Variants in ABCA7 observed in about 807,000 individuals in gnomAD.
ABCA7 encodes the protein phospholipid-transporting ATPase ABCA7.
ABCA7 carries 261 observed loss-of-function variants against 227.6 expected under a neutral mutation model. The observed-to-expected ratio is 1.15, with a 90% CI of 1.04 to 1.27. ABCA7 has a LOEUF of 1.27. Ranked by LOEUF, ABCA7 falls within the 50% of genes most tolerant of loss-of-function variation. The probability of loss-of-function intolerance (pLI) is 0.00; values close to 1 mark genes in which losing one functional copy is unlikely to be tolerated. For missense variants in ABCA7, 3,331 were observed against 2,924.5 expected (o/e 1.14, Z -3.21); for synonymous variants, 1,488 against 1,279.7 (o/e 1.16, Z -3.47).
intron 5 of ABCA7, 67 bp downstream of exon 5, chr19:1,042,243 G>C (rs1203940251): frequency 2.5e-6 from 4 of 1,590,888 alleles, no homozygotes; most frequent in Non-Finnish European, 2.6e-6. Context: ...CCGTGAAATG[G>C]GCACAGGGTG....
Position 1,043,322 on chromosome 19 carries a change from C to T in ABCA7, c.791-12C>T. The T allele has an allele frequency of 1.9e-6, 3 of 1,612,782 alleles. No homozygotes were observed. Among genetic ancestry groups the T allele is most frequent in the South Asian group, 1.1e-5 (1 of 91,068 alleles). ...GGCAGGGGGGCAGGGCCTCATGGCA[C>T]CCCCATCCCAGGCCCCGCCTGCTCG... On this transcript the variant is annotated splice_polypyrimidine_tract_variant and intron_variant, in intron 8 of 46. Coordinates refer to ENST00000263094, the MANE Select transcript of ABCA7 (RefSeq NM_019112.4).
At chr19:1,057,871 C>T (rs893564982) in intron 35 of ABCA7, 44 bp from the exon 36 acceptor site, 2 of 1,609,090 alleles carry the variant, frequency 1.2e-6, no homozygotes, top group Non-Finnish European at 1.7e-6. Flanking sequence ...CTCAGGGCTT[C>T]TCAGTCTGAG....
chr19:1,047,775 C>G lies in ABCA7; in HGVS notation c.2269+121C>G. 5.1e-6 allele frequency: 5 copies of G among 971,734 alleles called. No individual in the cohort carries two copies. The South Asian group carries it at 6.2e-5, about 12-fold the overall frequency. The allele number at this position is 971,734 out of a possible 1,614,324, so 60.2% of individuals were successfully genotyped here. A position where few individuals can be genotyped will look rare whatever the true frequency, so the allele number is the denominator to read the frequency against. ...GTGGCTTATTCCCTTGGAGAGAAGGCGGGGCTTCTTGGCACACGCATGCAG... is the reference window on the plus strand; with the variant it reads ...GTGGCTTATTCCCTTGGAGAGAAGGGGGGGCTTCTTGGCACACGCATGCAG... On this transcript the variant is annotated intron_variant, in intron 16 of 46. Coordinates refer to ENST00000263094, the MANE Select transcript of ABCA7 (RefSeq NM_019112.4).
At chr19:1,042,713 A>C in intron 6 of ABCA7, 33 bp from the exon 7 acceptor site, 1 of 1,607,998 alleles carries the variant, frequency 6.2e-7, no homozygotes, top group South Asian at 1.1e-5. Context: ...GAGTGTTCAA[A>C]ATCATTGTCC....
At position 1,056,006 on chromosome 19, in the gene ABCA7, G is replaced by A. The variant is rs925898511; in HGVS notation, c.4239-60G>A. ...CTCCCATGCCCTCTGCCTGCCCCCT[G>A]GGAGCTCTCCCGGCCCCCCCGGCCC... On this transcript the variant is annotated intron_variant, in intron 31 of 46. Transcript: ENST00000263094. The surrounding 1 kb of genome is among the most constrained non-coding windows in gnomAD (Gnocchi z 4.3). 2.0e-6 allele frequency: 3 copies of A among 1,533,144 alleles called. No individual in the cohort carries two copies. The highest frequency in any genetic ancestry group is 2.6e-6 in the Non-Finnish European group (3 of 1,144,348). 95.0% of individuals were successfully genotyped at this position (1,533,144 alleles called of 1,614,324 possible). A position where few individuals can be genotyped will look rare whatever the true frequency, so the allele number is the denominator to read the frequency against.
At position 1,043,327 on chromosome 19, in the gene ABCA7, A is replaced by G. The variant is rs1366107690; in HGVS notation, c.791-7A>G. 2 of 1,612,722 alleles carry G rather than the reference A, an allele frequency of 1.2e-6. No homozygotes were observed. The highest frequency in any genetic ancestry group is 4.5e-5 in the East Asian group (2 of 44,860). ...GGGGGCAGGGCCTCATGGCACCCCC[A>G]TCCCAGGCCCCGCCTGCTCGGAGCT... On this transcript the variant is annotated splice_region_variant and splice_polypyrimidine_tract_variant and intron_variant, in intron 8 of 46. Coordinates refer to ENST00000263094, the MANE Select transcript of ABCA7 (RefSeq NM_019112.4).
intron 12 of ABCA7, 128 bp from the exon 13 acceptor site, chr19:1,046,102 A>G (rs2040624400): frequency 2.8e-6 from 3 of 1,085,816 alleles, no homozygotes; most frequent in Non-Finnish European, 4.0e-6. Context: ...GCAGTGAGCT[A>G]TGATTGCAGC....
chr19:1,051,857 G>A, intron 21 of ABCA7, 85 bp from the exon 22 acceptor site: 1 of 1,529,648 alleles, frequency 6.5e-7, no homozygotes, highest in African/African-American at 1.4e-5. Flanking sequence ...TTGCTTCATG[G>A]GGCAGACAAC....
chr19:1,059,248 A>ATTATTTATTTATTTATTTATTTAT (rs3971801), intron 40 of ABCA7, 163 bp downstream of exon 40: 2 of 178,352 alleles, frequency 1.1e-5, no homozygotes, highest in African/African-American at 5.2e-5. Flanking sequence ...TTATTATATT[A>ATTATTTATTTATTTATTTATTTAT]TTATTTATTT....
chr19:1,053,666 G>A (rs2041985595), intron 24 of ABCA7, 122 bp from the exon 25 acceptor site: 2 of 1,518,732 alleles, frequency 1.3e-6, no homozygotes, highest in Non-Finnish European at 9.0e-7. Flanking sequence ...GAGGAGCTCT[G>A]GTGGCTCAGA....
Position 1,041,812 on chromosome 19 carries a change from A to G in ABCA7, c.161-19A>G, listed in dbSNP as rs557727395. The G allele has an allele frequency of 6.2e-7, 1 of 1,600,486 alleles. No homozygotes were observed. The highest frequency in any genetic ancestry group is 1.1e-5 in the South Asian group (1 of 90,276). ...CAGGCAGAGTCCACAGGGCCTCAGC[A>G]CCAGGCGTCTCCCCGCAGGCCACTT... On this transcript the variant is annotated intron_variant, in intron 3 of 46. Transcript: ENST00000263094.
chr19:1,047,127 T>G, intron 14 of ABCA7, 30 bp from the exon 15 acceptor site: 1 of 1,581,176 alleles, frequency 6.3e-7, no homozygotes, highest in Non-Finnish European at 8.6e-7. Flanking sequence ...ATCCAGGAGC[T>G]GCACCCTAAG....
chr19:1,042,052 C>T lies in ABCA7; in HGVS notation c.303-12C>T. The T allele has an allele frequency of 6.3e-7, 1 of 1,589,340 alleles. No homozygotes were observed. The highest frequency in any genetic ancestry group is 2.3e-5 in the East Asian group (1 of 44,306). The stretch of plus-strand genomic sequence containing the variant: ...GCCGGAACCCCGCCTCCTGCCCTCT[C>T]TCTGTCCCCAGGGTCTCCCGGCTGC... On this transcript the variant is annotated splice_polypyrimidine_tract_variant and intron_variant, in intron 4 of 46. Transcript: ENST00000263094.
intron 13 of ABCA7, 35 bp from the exon 14 acceptor site, chr19:1,046,767 G>T: frequency 1.3e-6 from 2 of 1,524,114 alleles, no homozygotes; most frequent in Non-Finnish European, 1.8e-6. Context: ...TCTGCGGAGG[G>T]TCTCCAGCCT....
rs753690015 is a variant in ABCA7, at chr19:1,042,082, C to G, written c.321C>G (p.Ala107=). ...TCCCCAGGGTCTCCCGGCTGCTAGC[C>G]GATGCCCGCACTGTGCTGGGAGGGG... The part of the protein sequence containing the change: ...FNDSLVSRLL[A]DARTVLGGAS... The change falls in exon 5 of 47, where the codon GCC becomes GCG. Residue 107 remains alanine, a synonymous_variant. Coordinates refer to ENST00000263094, the MANE Select transcript of ABCA7 (RefSeq NM_019112.4). The G allele has an allele frequency of 5.6e-6, 9 of 1,595,540 alleles. No individual in the cohort carries two copies. The highest frequency in any genetic ancestry group is 2.2e-5 in the South Asian group (2 of 90,396).
At chr19:1,055,886 C>T (rs1336273588) in intron 30 of ABCA7, 21 bp from the exon 31 acceptor site, 7 of 1,576,168 alleles carry the variant, frequency 4.4e-6, no homozygotes, top group Non-Finnish European at 5.2e-6. Flanking sequence ...CTGCCTGTGT[C>T]TCTGTCCATC....
At position 1,047,548 on chromosome 19, in the gene ABCA7, C is replaced by T. The variant is rs2144743079; in HGVS notation, c.2163C>T (p.Thr721=). The change falls in exon 16 of 47, where the codon ACC becomes ACT. Residue 721 remains threonine, a synonymous_variant. Transcript: ENST00000263094. ...GCGCGCAGTGGCACAACGTGGGCAC[C>T]CGGCCTACGGCAGACGTCTTCAGCC... The part of the protein sequence containing the change: ...GEGAQWHNVG[T]RPTADVFSLA... 6.9e-6 allele frequency: 11 copies of T among 1,600,666 alleles called. No individual in the cohort carries two copies. Among genetic ancestry groups the T allele is most frequent in the South Asian group, 2.2e-5 (2 of 90,520 alleles).
chr19:1,044,846 A>G, intron 11 of ABCA7, 102 bp downstream of exon 11: 1 of 1,472,112 alleles, frequency 6.8e-7, no homozygotes, highest in Non-Finnish European at 9.0e-7. Flanking sequence ...GCCCGGCCCT[A>G]GTAAGAGCCT....
Position 1,063,631 on chromosome 19 carries a change from C to G in ABCA7, c.5800C>G (p.Leu1934Val), listed in dbSNP as rs1405959833. 1.2e-6 allele frequency: 2 copies of G among 1,611,192 alleles called. No individual in the cohort carries two copies. Among genetic ancestry groups the G allele is most frequent in the East Asian group, 2.2e-5 (1 of 44,856 alleles). ...GTYSGGNKRK[L>V]ATALALVGDP... ...CTACAGCGGAGGGAACAAACGCAAG[C>G]TGGCGACGGCCCTGGCGCTGGTTGG... is the stretch of plus-strand genomic sequence containing the variant. The change falls in exon 43 of 47, where the codon CTG (leucine) becomes GTG (valine). Residue 1934 changes from leucine (L) to valine (V), a missense_variant. Physicochemically the swap from Leu to Val is conservative, Grantham distance 32 (BLOSUM62 1). Transcript: ENST00000263094.
Sources: allele counts gnomAD v4.1 joint callset, GRCh38; gene constraint gnomAD v4.1.1; non-coding constraint Gnocchi (gnomAD v3.1); transcripts MANE v1.5; gene names NCBI Gene and HGNC (gene_info 2026-07-23, HGNC 2026-07-21).